The following FHIT variants were observed in gnomAD, a reference collection of about 807,000 sequenced individuals.
FHIT encodes the protein fragile histidine triad diadenosine triphosphatase, also known as bis(5'-adenosyl)-triphosphatase.
A neutral mutation model predicts 17.9 loss-of-function variants in FHIT; 19 were observed. The ratio of observed to expected loss-of-function variants is 1.06; its 90% CI spans 0.74 to 1.56. The LOEUF is 1.56. FHIT is among the 40% of genes most tolerant of loss of function. The pLI, the probability that FHIT is intolerant of heterozygous loss-of-function variation, is 0.00. For missense variants in FHIT, 248 were observed against 189.2 expected (o/e 1.31, Z -1.82); for synonymous variants, 81 against 69.7 (o/e 1.16, Z -0.81).
intron 5 of FHIT, among the ~76,000 whole-genome samples, chr3:60,096,922 T>TATAATCCTAGCC (rs1703973632): frequency 6.6e-6 from 1 of 150,776 alleles, no homozygotes; most frequent in Non-Finnish European, 1.5e-5. Context: ...GGCTTGTGCC[T>TATAATCCTAGCC]ATAATCCTAG....
chr3:60,438,751 A>T (rs2030522090), intron 5 of FHIT, among the ~76,000 whole-genome samples: 2 of 152,128 alleles, frequency 1.3e-5, no homozygotes, highest in African/African-American at 4.8e-5. Context: ...CTGATCACCA[A>T]CTAACCACAT....
rs558239005 is a variant in FHIT at position 60,928,301 on chromosome 3, C to T, written c.-110-106290G>A. ...TCTCTGAGAAACACCCAAGAATGAT[C>T]AACAAATACTAAAAAAATTAAAAAA... On this transcript the variant is annotated intron_variant, in intron 3 of 9. Coordinates refer to ENST00000492590, the MANE Select transcript of FHIT (RefSeq NM_002012.4). 6.6e-3 allele frequency among the ~76,000 whole-genome samples: 768 copies of T among 116,884 alleles called. 8 individuals carry two copies. The highest frequency in any genetic ancestry group is 0.024 in the African/African-American group (748 of 30,742). The allele number at this position is 116,884 out of a possible 152,430, so 76.7% of individuals were successfully genotyped here.
intron 8 of FHIT, among the ~76,000 whole-genome samples, chr3:59,779,865 A>G (rs1702493977): frequency 6.6e-6 from 1 of 152,092 alleles, no homozygotes; most frequent in South Asian, 2.1e-4. Flanking sequence ...TTGTAAGGAA[A>G]CTCCCATCCC....
At chr3:60,447,427 C>T (rs1363190180) in intron 5 of FHIT, among the ~76,000 whole-genome samples, 1 of 152,066 alleles carries the variant, frequency 6.6e-6, no homozygotes, top group Non-Finnish European at 1.5e-5. Context: ...TAAGAATTAG[C>T]TTCAAATATG....
At chr3:60,152,399 G>C (rs933869092) in intron 5 of FHIT, among the ~76,000 whole-genome samples, 3 of 152,156 alleles carry the variant, frequency 2.0e-5, no homozygotes, top group Non-Finnish European at 2.9e-5. Context: ...ACTAACCAGA[G>C]AGCAGAAACA....
chr3:59,765,302 A>G (rs1701739273), intron 8 of FHIT, among the ~76,000 whole-genome samples: 1 of 152,246 alleles, frequency 6.6e-6, no homozygotes, highest in South Asian at 2.1e-4. Context: ...AAAGGTCCAG[A>G]CACAAATATT....
chr3:60,271,300 G>T (rs556984491), intron 5 of FHIT, among the ~76,000 whole-genome samples: 2 of 152,280 alleles, frequency 1.3e-5, no homozygotes, highest in Admixed American at 1.3e-4. Flanking sequence ...CTACTCAGGA[G>T]GCTGAGGCAG....
At chr3:60,244,628 T>G (rs557429094) in intron 5 of FHIT, among the ~76,000 whole-genome samples, 1 of 152,048 alleles carries the variant, frequency 6.6e-6, no homozygotes, top group Non-Finnish European at 1.5e-5. Context: ...AATTTCTGAA[T>G]TGGGGCCTCA....
chr3:60,570,834 C>T (rs2037352448), intron 4 of FHIT, among the ~76,000 whole-genome samples: 2 of 150,558 alleles, frequency 1.3e-5, no homozygotes, highest in African/African-American at 2.4e-5. Flanking sequence ...AATTCACATC[C>T]ACTACTGTCA....
chr3:61,210,492 A>G (rs973241380), intron 1 of FHIT, among the ~76,000 whole-genome samples: 2 of 152,148 alleles, frequency 1.3e-5, no homozygotes, highest in African/African-American at 2.4e-5. Flanking sequence ...TACCTACTCA[A>G]GCCTTGGCAA....
chr3:59,885,255 T>C (rs1703571007), intron 8 of FHIT, among the ~76,000 whole-genome samples: 2 of 152,090 alleles, frequency 1.3e-5, no homozygotes, highest in Admixed American at 1.3e-4. Context: ...CACAGCTTCA[T>C]CATGGTTCAA....
chr3:59,961,153 G>A (rs1707658396), intron 7 of FHIT, among the ~76,000 whole-genome samples: 1 of 152,114 alleles, frequency 6.6e-6, no homozygotes, highest in African/African-American at 2.4e-5. Flanking sequence ...AAAGCTGTTA[G>A]GAACACTAGC....
chr3:60,695,610 C>A (rs1553700475), intron 4 of FHIT, among the ~76,000 whole-genome samples: 1 of 152,070 alleles, frequency 6.6e-6, no homozygotes, highest in Non-Finnish European at 1.5e-5. Context: ...TTGGGAGGAT[C>A]AGCTGTGATA....
At chr3:60,082,934 T>C (rs949656085) in intron 5 of FHIT, among the ~76,000 whole-genome samples, 4 of 152,122 alleles carry the variant, frequency 2.6e-5, no homozygotes, top group African/African-American at 4.8e-5. Context: ...TGTTTCTCTG[T>C]TGGTAGTTTC....
rs1409582112 is a variant in FHIT at position 60,560,068 on chromosome 3, G to A, written c.-17-23089C>T. 5.9e-5 allele frequency among the ~76,000 whole-genome samples: 9 copies of A among 151,824 alleles called. No individual in the cohort carries two copies. The South Asian group carries it at 1.2e-3, about 21-fold the overall frequency. On this transcript the variant is annotated intron_variant, in intron 4 of 9. Coordinates refer to ENST00000492590, the MANE Select transcript of FHIT (RefSeq NM_002012.4). ...AATACCAAAATTAAACTGTAACATG[G>A]TATGCTCTGATGGGGAAACTGTGCA...
At chr3:60,168,570 C>T (rs1003544926) in intron 5 of FHIT, among the ~76,000 whole-genome samples, 2 of 152,008 alleles carry the variant, frequency 1.3e-5, no homozygotes, top group African/African-American at 4.8e-5. Flanking sequence ...GTGGGGGCAT[C>T]AAGGGAGGAG....
intron 5 of FHIT, among the ~76,000 whole-genome samples, chr3:60,256,466 C>A (rs781593614): frequency 6.6e-6 from 1 of 152,204 alleles, no homozygotes. Flanking sequence ...GAAGCAGGAA[C>A]TGACTGAGGC....
chr3:60,867,214 G>A (rs1028180146), intron 3 of FHIT, among the ~76,000 whole-genome samples: 2 of 145,242 alleles, frequency 1.4e-5, no homozygotes, highest in Non-Finnish European at 3.1e-5. Flanking sequence ...TTGAACACAG[G>A]TTTACCCATA....
chr3:60,156,148 T>C (rs769697164), intron 5 of FHIT, among the ~76,000 whole-genome samples: 6 of 150,304 alleles, frequency 4.0e-5, no homozygotes, highest in Non-Finnish European at 8.9e-5. Flanking sequence ...CGTCAGGAGT[T>C]GGAGACCAGC....
Sources: allele counts gnomAD v4.1 joint callset (sites outside exome capture counted in the v4.1 genomes callset), GRCh38; gene constraint gnomAD v4.1.1; transcripts MANE v1.5; gene names NCBI Gene and HGNC (gene_info 2026-07-23, HGNC 2026-07-21).